WNK2: variants seen among roughly 807,000 people sequenced by gnomAD.
WNK2 encodes the protein serine/threonine-protein kinase WNK2.
In WNK2, 67 loss-of-function variants were observed where a neutral mutation model predicts 192.1. That is an observed-to-expected ratio of 0.35 (90% CI 0.29 to 0.43). The LOEUF (loss-of-function observed/expected upper bound fraction) is 0.43, where lower values mean the gene tolerates loss of function less well. WNK2 is among the 20% of genes least tolerant of loss of function. The pLI is 1.00. For missense variants in WNK2, 2,698 were observed against 3,089.7 expected, an observed-to-expected ratio of 0.87 and a Z score of 3.01; for synonymous variants, 1,439 against 1,393.9, an observed-to-expected ratio of 1.03 and a Z score of -0.72.
intron 2 of WNK2, among the ~76,000 whole-genome samples, chr9:93,222,934 G>A (rs759994574): frequency 3.9e-5 from 6 of 152,140 alleles, no homozygotes; most frequent in Admixed American, 6.5e-5. Context: ...TGCCCGCGTC[G>A]GCCTTCCAAA....
intron 7 of WNK2, among the ~76,000 whole-genome samples, chr9:93,243,568 A>G (rs1021487569): frequency 6.6e-6 from 1 of 152,354 alleles, no homozygotes; most frequent in East Asian, 1.9e-4. Flanking sequence ...CTAAAGCACA[A>G]CAATAAACAG....
At chr9:93,291,335 C>A (rs753697) in intron 21 of WNK2, among the ~76,000 whole-genome samples, 18,136 of 152,198 alleles carry the variant, frequency 0.12, 1,178 homozygotes, top group Middle Eastern at 0.15. Flanking sequence ...ATAACTTGTA[C>A]TCCAAGTCCA....
Position 93,239,575 on chromosome 9 carries a change from T to G in WNK2, c.1323-182T>G, listed in dbSNP as rs556132162. On this transcript the variant is annotated intron_variant, in intron 6 of 29. Transcript: ENST00000427277. This position sits in a 1 kb window ranked among gnomAD's most constrained non-coding sequence, Gnocchi z 4.2. ...ATAAAGGAAGTCTTAAAACACTATG[T>G]GTTAATAGTAAGACTGGATTCACTG... Among the ~76,000 whole-genome samples, 3 of 152,320 alleles carry G rather than the reference T, an allele frequency of 2.0e-5. No homozygotes were observed. Among genetic ancestry groups the G allele is most frequent in the Admixed American group, 2.0e-4 (3 of 15,302 alleles).
chr9:93,272,828 C>T (rs897427982), intron 19 of WNK2, among the ~76,000 whole-genome samples: 7 of 145,424 alleles, frequency 4.8e-5, no homozygotes, highest in African/African-American at 1.0e-4. Flanking sequence ...GAGAAAAAAA[C>T]GAAAGCAAAC....
At chr9:93,199,322 G>A (rs1482308963) in intron 2 of WNK2, among the ~76,000 whole-genome samples, 1 of 152,172 alleles carries the variant, frequency 6.6e-6, no homozygotes, top group African/African-American at 2.4e-5. Flanking sequence ...ATAGTCCTGG[G>A]CTCTGGACCT....
chr9:93,253,923 ATTTG>A (rs1343321056), intron 9 of WNK2, among the ~76,000 whole-genome samples: 1 of 151,966 alleles, frequency 6.6e-6, no homozygotes, highest in Non-Finnish European at 1.5e-5. Context: ...TTGTTTATTT[ATTTG>A]TTTATTTGAG....
chr9:93,286,239 G>A (rs1465341128), intron 19 of WNK2, among the ~76,000 whole-genome samples: 4 of 152,138 alleles, frequency 2.6e-5, no homozygotes, highest in Admixed American at 6.5e-5. Context: ...GGCGAGTCAC[G>A]GAGCGAGAGA....
At chr9:93,238,180 C>A in intron 5 of WNK2, 53 bp from the exon 6 acceptor site, 1 of 1,550,248 alleles carries the variant, frequency 6.5e-7, no homozygotes, top group Non-Finnish European at 8.9e-7. Flanking sequence ...GTGGTGGAGG[C>A]CTCGCCTTCC....
chr9:93,268,046 C>G lies in WNK2; in HGVS notation c.3894C>G (p.Ala1298=). The G allele has an allele frequency of 1.2e-6, 2 of 1,612,076 alleles. No individual in the cohort carries two copies. Among genetic ancestry groups the G allele is most frequent in the Non-Finnish European group, 8.5e-7 (1 of 1,179,150 alleles). ...GEESRQSQAN[A]PVYQQNVLHT... is the part of the protein sequence containing the mutation. ...AGAGCCGACAATCCCAAGCCAACGC[C>G]CCCGTGTATCAGCAGAACGGTGAGT... The change falls in exon 18 of 30, where the codon GCC becomes GCG. Residue 1298 remains alanine, a synonymous_variant. Coordinates refer to ENST00000427277, the MANE Select transcript of WNK2 (RefSeq NM_006648.4).
At chr9:93,263,515 C>G in intron 14 of WNK2, 51 bp from the exon 15 acceptor site, 1 of 1,593,752 alleles carries the variant, frequency 6.3e-7, no homozygotes, top group Non-Finnish European at 8.5e-7. Context: ...CCGCCATTGC[C>G]GACGTGCTGG....
At chr9:93,212,663 G>A (rs1835008789) in intron 2 of WNK2, among the ~76,000 whole-genome samples, 1 of 152,160 alleles carries the variant, frequency 6.6e-6, no homozygotes, top group South Asian at 2.1e-4. Context: ...TGTAAAATGG[G>A]AGCAGCATCG....
intron 23 of WNK2, among the ~76,000 whole-genome samples, chr9:93,294,051 G>T (rs1849829884): frequency 1.3e-5 from 2 of 152,132 alleles, no homozygotes; most frequent in Non-Finnish European, 2.9e-5. Context: ...GGGGTTACTG[G>T]GATGTCCTTC....
intron 2 of WNK2, among the ~76,000 whole-genome samples, chr9:93,195,136 GTCAT>G (rs1266110745): frequency 2.6e-5 from 4 of 152,112 alleles, no homozygotes; most frequent in African/African-American, 9.7e-5. Context: ...GTGAATACAT[GTCAT>G]TATACATTTG....
intron 29 of WNK2, chr9:93,319,081 G>T: frequency 6.2e-7 from 1 of 1,613,472 alleles, no homozygotes. Context: ...TTCCTTGAGT[G>T]AAGTGGGGGC....
rs532666246 is a variant in WNK2 at position 93,234,860 on chromosome 9, C to T, written c.1128C>T (p.Ser376=). Residue 376 remains serine, a synonymous_variant, in exon 5 of 30, where the codon TCC becomes TCT. Coordinates refer to ENST00000427277, the MANE Select transcript of WNK2 (RefSeq NM_006648.4). ...TGTACGAGGAGCACTACGATGAGTC[C>T]GTGGACGTCTATGCCTTTGGGATGT... ...PEMYEEHYDE[S]VDVYAFGMCM... 8.4e-5 allele frequency: 136 copies of T among 1,614,188 alleles called. No homozygotes were observed. The highest frequency in any genetic ancestry group is 1.1e-4 in the Non-Finnish European group (125 of 1,180,012).
Position 93,209,202 on chromosome 9 carries a change from C to T in WNK2, c.682-20494C>T, listed in dbSNP as rs114109018. Among the ~76,000 whole-genome samples, 1,406 of 152,250 alleles carry T rather than the reference C, an allele frequency of 9.2e-3. 17 individuals carry two copies. The highest frequency in any genetic ancestry group is 0.031 in the African/African-American group (1,285 of 41,536). ...CTCCACCCCAGGTAGGTGCGAGCAC[C>T]TGGCGGCCTCCCTAGGGTACAGAGT... is the stretch of plus-strand genomic sequence containing the variant. On this transcript the variant is annotated intron_variant, in intron 2 of 29. Coordinates refer to ENST00000427277, the MANE Select transcript of WNK2 (RefSeq NM_006648.4).
Position 93,246,442 on chromosome 9 carries a change from T to C in WNK2, c.1543-1101T>C, listed in dbSNP as rs894684374. On this transcript the variant is annotated intron_variant, in intron 7 of 29. Coordinates refer to ENST00000427277, the MANE Select transcript of WNK2 (RefSeq NM_006648.4). ...TGTCTGTGCATTTACACCGCGAAGG[T>C]GTCGGGAGCCTGCCTGTGCAGTCTG... is the stretch of plus-strand genomic sequence containing the variant. Among the ~76,000 whole-genome samples, 7 of 152,284 alleles carry C rather than the reference T, an allele frequency of 4.6e-5. No individual in the cohort carries two copies. In the East Asian group the frequency reaches 1.2e-3, roughly 25 times the overall value.
chr9:93,274,523 A>T, intron 19 of WNK2, among the ~76,000 whole-genome samples: 1 of 54,272 alleles, frequency 1.8e-5, no homozygotes. Context: ...ACCAAAAAAA[A>T]AAAAAAAAAA....
At chr9:93,264,607 C>G (rs565026103) in intron 16 of WNK2, among the ~76,000 whole-genome samples, 2 of 152,318 alleles carry the variant, frequency 1.3e-5, no homozygotes, top group South Asian at 4.1e-4. Flanking sequence ...TTTTCGGGCC[C>G]TCAGAAACTC....
Sources: gnomAD v4.1 joint callset for allele counts (sites outside exome capture counted in the v4.1 genomes callset) on GRCh38, gnomAD v4.1.1 for gene constraint, Gnocchi (gnomAD v3.1) non-coding constraint, MANE v1.5 for transcripts, NCBI Gene and HGNC (gene_info 2026-07-23, HGNC 2026-07-21) for gene names.